ANO4: variants seen among roughly 807,000 people sequenced by gnomAD.
The protein encoded by ANO4 is anoctamin-4.
ANO4 carries 69 observed loss-of-function variants against 141.9 expected under a neutral mutation model. The observed-to-expected ratio is 0.49, with a 90% CI of 0.40 to 0.59. ANO4 has a LOEUF of 0.59. Ranked by LOEUF, ANO4 falls within the 20% of genes least tolerant of loss-of-function variation. The pLI, the probability that ANO4 is intolerant of heterozygous loss-of-function variation, is 0.00. For synonymous variants in ANO4, 350 were observed against 394.3 expected (o/e 0.89, Z 1.33); for missense variants, 894 against 1,162.2 (o/e 0.77, Z 3.36).
At position 101,048,377 on chromosome 12, in the gene ANO4, T is replaced by A; in HGVS notation, c.1288T>A (p.Phe430Ile). The part of the protein sequence containing the change: ...HLFDNGATVF[F>I]AVFMAVWATV... ...TTTTGACAATGGAGCCACTGTCTTC[T>A]TTGCTGTTTTCATGGCAGTCTGGGG... Residue 430 changes from phenylalanine to isoleucine, a missense_variant, in exon 14 of 28, where the codon TTT becomes ATT. Phe to Ile is a conservative substitution (Grantham distance 21). This residue lies in a region of ANO4 where 637 missense variants were observed against 909.2 expected (regional missense o/e 0.70). Coordinates refer to ENST00000392977, the MANE Select transcript of ANO4 (RefSeq NM_001286615.2). The A allele has an allele frequency of 6.2e-7, 1 of 1,613,846 alleles. No individual in the cohort carries two copies. Among genetic ancestry groups the A allele is most frequent in the South Asian group, 1.1e-5 (1 of 91,064 alleles).
chr12:101,114,598 C>T (rs543766237), intron 24 of ANO4, among the ~76,000 whole-genome samples: 2 of 152,206 alleles, frequency 1.3e-5, no homozygotes, highest in East Asian at 1.9e-4. Context: ...GATAAAGCCT[C>T]GGGGCTGGTC....
chr12:100,930,716 G>C (rs915914097), intron 3 of ANO4, among the ~76,000 whole-genome samples: 4 of 152,102 alleles, frequency 2.6e-5, no homozygotes, highest in African/African-American at 9.7e-5. Flanking sequence ...GGTTCTTTAG[G>C]GAGATGTCAA....
chr12:101,122,651 C>G lies in ANO4; in HGVS notation c.2676+2026C>G, dbSNP rs775598775. Among the ~76,000 whole-genome samples the G allele has an allele frequency of 2.0e-5, 3 of 152,172 alleles. No individual in the cohort carries two copies. In the East Asian group the frequency reaches 5.8e-4, roughly 29 times the overall value. ...TTTATTGAACAAGGAATCCTTCCCC[C>G]ACTGCTTGTTTTTGTCAAGTTGGAG... On this transcript the variant is annotated intron_variant, in intron 26 of 27. Transcript: ENST00000392977.
rs569507935 is a variant in ANO4 at position 101,093,309 on chromosome 12, C to G, written c.1702-947C>G. 7.2e-5 allele frequency among the ~76,000 whole-genome samples: 11 copies of G among 152,256 alleles called. No homozygotes were observed. In the East Asian group the frequency reaches 1.3e-3, roughly 19 times the overall value. On this transcript the variant is annotated intron_variant, in intron 17 of 27. Coordinates refer to ENST00000392977, the MANE Select transcript of ANO4 (RefSeq NM_001286615.2). ...AGCAGGACAGGAAGGTCAGTAAGTTCAATACCCATCCTGCCCACATATAAA... is the reference window on the plus strand; with the variant it reads ...AGCAGGACAGGAAGGTCAGTAAGTTGAATACCCATCCTGCCCACATATAAA...
rs577205360 is a variant in ANO4, at chr12:101,102,486, A to G, written c.2149+2766A>G. ...CTAATAATGCTGAGCACCTTTTCAT[A>G]TGCTTATAGTTATTTGGATAAACTT... On this transcript the variant is annotated intron_variant, in intron 22 of 27. Coordinates refer to ENST00000392977, the MANE Select transcript of ANO4 (RefSeq NM_001286615.2). 3.9e-5 allele frequency among the ~76,000 whole-genome samples: 6 copies of G among 152,268 alleles called. No homozygotes were observed. The East Asian group carries it at 1.2e-3, about 29-fold the overall frequency.
intron 14 of ANO4, among the ~76,000 whole-genome samples, chr12:101,065,522 A>G (rs1421312141): frequency 1.3e-5 from 2 of 152,240 alleles, no homozygotes; most frequent in East Asian, 3.9e-4. Context: ...AGAAATGCAC[A>G]AATTCTTAGA....
Position 100,880,043 on chromosome 12 carries a change from CA to C in ANO4, c.-140-21602del, listed in dbSNP as rs1247588255. 3.3e-5 allele frequency among the ~76,000 whole-genome samples: 5 copies of C among 152,234 alleles called. No individual in the cohort carries two copies. In the East Asian group the frequency reaches 9.7e-4, roughly 29 times the overall value. ...AACACACTCCAGTTAGAGAAGATGGCACACACATGTTCTTGGAGCTGTGATA... is the reference window on the plus strand; with the variant it reads ...AACACACTCCAGTTAGAGAAGATGGCCACACATGTTCTTGGAGCTGTGATA... On this transcript the variant is annotated intron_variant, in intron 1 of 27. Coordinates refer to ENST00000392977, the MANE Select transcript of ANO4 (RefSeq NM_001286615.2).
chr12:101,080,865 G>GATATATAT (rs373785625), intron 15 of ANO4, among the ~76,000 whole-genome samples: 1 of 109,384 alleles, frequency 9.1e-6, no homozygotes, highest in Non-Finnish European at 1.8e-5. Flanking sequence ...CTAGGTTCTA[G>GATATATAT]ATATATATAT....
chr12:100,889,285 G>A (rs534354572), intron 1 of ANO4, among the ~76,000 whole-genome samples: 20 of 152,024 alleles, frequency 1.3e-4, no homozygotes, highest in African/African-American at 4.6e-4. Context: ...TATCATTGTC[G>A]GACATTTAGG....
At chr12:100,790,104 T>G (rs907835543), upstream of ANO4, among the ~76,000 whole-genome samples, 4 of 152,070 alleles carry the variant, frequency 2.6e-5, no homozygotes, top group African/African-American at 9.7e-5. Flanking sequence ...AGGAAGGCTA[T>G]TCTAGGAAAA....
chr12:100,856,999 T>C (rs1180660971), intron 1 of ANO4, among the ~76,000 whole-genome samples: 1 of 152,266 alleles, frequency 6.6e-6, no homozygotes, highest in South Asian at 2.1e-4. Flanking sequence ...TTCTTTCTTC[T>C]CTAGTTAGTG....
intron 1 of ANO4, among the ~76,000 whole-genome samples, chr12:100,886,260 T>C (rs2135973011): frequency 2.1e-5 from 3 of 140,846 alleles, no homozygotes; most frequent in Middle Eastern, 7.0e-3. Flanking sequence ...CTCCAGCATC[T>C]TAAGTGATTC....
intron 1 of ANO4, among the ~76,000 whole-genome samples, chr12:100,866,729 A>G (rs1031503990): frequency 1.3e-5 from 2 of 152,198 alleles, no homozygotes; most frequent in African/African-American, 4.8e-5. Context: ...TCAAGGTCAT[A>G]GAGATGAGAA....
chr12:101,013,476 C>T (rs2046191813), intron 8 of ANO4, among the ~76,000 whole-genome samples: 1 of 152,124 alleles, frequency 6.6e-6, no homozygotes, highest in Non-Finnish European at 1.5e-5. Context: ...CTGTAGGGCA[C>T]TGCTAACCCC....
At chr12:100,857,630 C>A (rs2038246836) in intron 1 of ANO4, among the ~76,000 whole-genome samples, 5 of 152,104 alleles carry the variant, frequency 3.3e-5, no homozygotes, top group Admixed American at 2.6e-4. Context: ...CTTTGAGATT[C>A]TCTGGGTTCA....
At chr12:101,094,411 A>G (rs188385690) in intron 18 of ANO4, 119 bp downstream of exon 18, 1 of 766,968 alleles carries the variant, frequency 1.3e-6, no homozygotes, top group Non-Finnish European at 2.0e-6. Flanking sequence ...AATTCATACA[A>G]CAAGTTTTTT....
intron 1 of ANO4, among the ~76,000 whole-genome samples, chr12:100,845,502 C>CCTGT (rs2135827185): frequency 1.3e-5 from 2 of 152,266 alleles, no homozygotes; most frequent in African/African-American, 4.8e-5. Flanking sequence ...CTGAAACTTG[C>CCTGT]CTGTCCTTGT....
At chr12:101,102,002 T>C (rs961052415) in intron 22 of ANO4, among the ~76,000 whole-genome samples, 1 of 152,012 alleles carries the variant, frequency 6.6e-6, no homozygotes, top group Non-Finnish European at 1.5e-5. Context: ...GAGAATTGCC[T>C]GAACCTGGGA....
At chr12:100,738,288 A>G (rs2031697993) in intron 2 of ANO4, among the ~76,000 whole-genome samples, 1 of 152,158 alleles carries the variant, frequency 6.6e-6, no homozygotes, top group African/African-American at 2.4e-5. Flanking sequence ...CCCCGTGGGT[A>G]TCAGCTGTTC....
Sources: allele counts gnomAD v4.1 joint callset (sites outside exome capture counted in the v4.1 genomes callset), GRCh38; gene constraint gnomAD v4.1.1; regional missense constraint gnomAD v4.1.1; transcripts MANE v1.5; gene names NCBI Gene and HGNC (gene_info 2026-07-23, HGNC 2026-07-21).